The following DNAH12 variants were observed in gnomAD, a reference collection of about 807,000 sequenced individuals.
The protein encoded by DNAH12 is axonemal beta dynein heavy chain 12.
A neutral mutation model predicts 371.5 loss-of-function variants in DNAH12; 285 were observed. That is an observed-to-expected ratio of 0.77 (90% CI 0.70 to 0.85). The LOEUF (loss-of-function observed/expected upper bound fraction) is 0.85. Ranked by LOEUF, DNAH12 falls within the 40% of genes least tolerant of loss-of-function variation. The pLI is 0.00. For missense variants in DNAH12, 3,611 were observed against 3,689.4 expected (o/e 0.98, Z 0.55); for synonymous variants, 1,200 against 1,213.0 (o/e 0.99, Z 0.22).
In DNAH12 at chr3:57,490,034, G is replaced by C. The variant is rs535268261; in HGVS notation, c.1336-347C>G. Among the ~76,000 whole-genome samples, 11 of 152,238 alleles carry C rather than the reference G, an allele frequency of 7.2e-5. No individual in the cohort carries two copies. In the South Asian group the frequency reaches 1.9e-3, roughly 26 times the overall value. ...CTTATATCATGTAACAATTTGCATAGTGGATAAATATTTGCTTTTGCCATT... is the reference window on the plus strand; with the variant it reads ...CTTATATCATGTAACAATTTGCATACTGGATAAATATTTGCTTTTGCCATT... On this transcript the variant is annotated intron_variant, in intron 11 of 73. Transcript: ENST00000495027.
chr3:57,435,449 T>A (rs1308346989), intron 30 of DNAH12, among the ~76,000 whole-genome samples: 1 of 149,064 alleles, frequency 6.7e-6, no homozygotes, highest in Non-Finnish European at 1.5e-5. Context: ...AAAAACAGAC[T>A]AAGATTGTGG....
chr3:57,487,288 A>AAAGGAAAG (rs2066951970), intron 12 of DNAH12, among the ~76,000 whole-genome samples: 1 of 110,508 alleles, frequency 9.0e-6, no homozygotes, highest in Non-Finnish European at 1.8e-5. Flanking sequence ...AAGAAGGAAG[A>AAAGGAAAG]AAGGAAGGAA....
chr3:57,476,644 G>T (rs1164662805), intron 13 of DNAH12, among the ~76,000 whole-genome samples: 1 of 152,166 alleles, frequency 6.6e-6, no homozygotes, highest in Non-Finnish European at 1.5e-5. Flanking sequence ...TAGAGCGTTG[G>T]CAAGGTTCTA....
chr3:57,524,060 T>A (rs1221551148), intron 2 of DNAH12, among the ~76,000 whole-genome samples, 176 bp from the exon 3 acceptor site: 1 of 152,178 alleles, frequency 6.6e-6, no homozygotes, highest in Non-Finnish European at 1.5e-5. Context: ...AATTTTTAAA[T>A]AATGCATATA....
In DNAH12 at chr3:57,504,176, T is replaced by G; in HGVS notation, c.926A>C (p.Glu309Ala). 6 of 1,613,368 alleles carry G rather than the reference T, an allele frequency of 3.7e-6. No individual in the cohort carries two copies. Among genetic ancestry groups the G allele is most frequent in the Non-Finnish European group, 5.1e-6 (6 of 1,179,624 alleles). The change falls in exon 9 of 74, where the codon GAA (glutamate) becomes GCA (alanine). Residue 309 changes from glutamate (E) to alanine (A), a missense_variant. Glu to Ala is a moderately radical substitution (Grantham distance 107). This residue lies in a region of DNAH12 where 1,314 missense variants were observed against 1,398.7 expected (regional missense o/e 0.94). Coordinates refer to ENST00000495027, the MANE Select transcript of DNAH12 (RefSeq NM_001366028.2). Reference protein sequence around the residue: ...QLKDLLRRTVEGFVKLFDPKD... With the variant: ...QLKDLLRRTVAGFVKLFDPKD... ...TGGGTCAAAGAGTTTTACAAATCCTTCTACAGTTCTCCTTAATAGATCCTT... is the reference window on the plus strand; with the variant it reads ...TGGGTCAAAGAGTTTTACAAATCCTGCTACAGTTCTCCTTAATAGATCCTT...
chr3:57,443,007 T>C (rs1438707463), intron 29 of DNAH12, among the ~76,000 whole-genome samples: 2 of 152,248 alleles, frequency 1.3e-5, no homozygotes, highest in Non-Finnish European at 2.9e-5. Flanking sequence ...CATTTCACAA[T>C]AGAAATTCCC....
chr3:57,549,118 T>A (rs2069599191), upstream of DNAH12, among the ~76,000 whole-genome samples: 1 of 151,832 alleles, frequency 6.6e-6, no homozygotes, highest in Non-Finnish European at 1.5e-5. Context: ...AGCTCAGGAG[T>A]TCAAGGCTGC....
intron 2 of DNAH12, among the ~76,000 whole-genome samples, chr3:57,531,640 G>A (rs1297793143): frequency 6.6e-6 from 1 of 151,886 alleles, no homozygotes; most frequent in Non-Finnish European, 1.5e-5. Flanking sequence ...GGCATGTGCT[G>A]TAATCCCAGC....
intron 25 of DNAH12, among the ~76,000 whole-genome samples, chr3:57,448,834 A>G (rs1360489971): frequency 3.9e-5 from 6 of 152,168 alleles, no homozygotes; most frequent in Admixed American, 3.3e-4. Flanking sequence ...GTAGCTAGAT[A>G]CAGAGTGTTG....
intron 60 of DNAH12, 107 bp from the exon 61 acceptor site, chr3:57,335,047 C>G: frequency 8.4e-7 from 1 of 1,185,528 alleles, no homozygotes; most frequent in Non-Finnish European, 1.1e-6. Context: ...TGTACTTACC[C>G]ACCTGCTGTA....
upstream of DNAH12, among the ~76,000 whole-genome samples, chr3:57,548,178 C>A (rs1212038486): frequency 2.0e-5 from 3 of 152,108 alleles, no homozygotes; most frequent in African/African-American, 7.2e-5. Flanking sequence ...ACACATCAGA[C>A]TTTTAGGAAT....
chr3:57,445,542 A>G, intron 27 of DNAH12, 123 bp from the exon 28 acceptor site: 2 of 881,106 alleles, frequency 2.3e-6, no homozygotes, highest in Non-Finnish European at 3.0e-6. Context: ...CTTTTTCTAA[A>G]CTCTAATTTT....
At chr3:57,487,161 C>G (rs532358483) in intron 12 of DNAH12, among the ~76,000 whole-genome samples, 1 of 151,978 alleles carries the variant, frequency 6.6e-6, no homozygotes, top group African/African-American at 2.4e-5. Flanking sequence ...TGTGGCCAGG[C>G]ACAGTGGCCC....
At chr3:57,550,258 A>G in the DNAH12 span, among the ~76,000 whole-genome samples, 1 of 152,142 alleles carries the variant, frequency 6.6e-6, no homozygotes, top group African/African-American at 2.4e-5. Flanking sequence ...GAGATTACAA[A>G]TGAACTATGA....
At chr3:57,361,354 A>AT (rs1348275522) in intron 58 of DNAH12, among the ~76,000 whole-genome samples, 21 of 150,380 alleles carry the variant, frequency 1.4e-4, no homozygotes, top group African/African-American at 4.9e-4. Flanking sequence ...TGTCTCAAAA[A>AT]ATATATATAC....
intron 50 of DNAH12, among the ~76,000 whole-genome samples, chr3:57,381,869 A>AT (rs1361212270): frequency 2.5e-5 from 2 of 79,886 alleles, no homozygotes; most frequent in East Asian, 3.3e-4. Context: ...AGAACCATAT[A>AT]TATATATTTT....
At chr3:57,486,148 C>T in intron 12 of DNAH12, among the ~76,000 whole-genome samples, 1 of 149,956 alleles carries the variant, frequency 6.7e-6, no homozygotes, top group East Asian at 2.0e-4. Context: ...TAGCTTGAAC[C>T]TGGGAGGCAG....
intron 70 of DNAH12, among the ~76,000 whole-genome samples, chr3:57,299,202 G>A (rs528481942): frequency 6.6e-6 from 1 of 152,132 alleles, no homozygotes; most frequent in African/African-American, 2.4e-5. Flanking sequence ...AAACCCACTC[G>A]CCCGTGGCTT....
chr3:57,435,612 CA>C (rs1223181534), intron 30 of DNAH12, among the ~76,000 whole-genome samples: 1 of 151,512 alleles, frequency 6.6e-6, no homozygotes, highest in Non-Finnish European at 1.5e-5. Flanking sequence ...GTTTACTGAC[CA>C]AAAAAACTGT....
Sources: allele counts gnomAD v4.1 joint callset (sites outside exome capture counted in the v4.1 genomes callset), GRCh38; gene constraint gnomAD v4.1.1; regional missense constraint gnomAD v4.1.1; transcripts MANE v1.5; gene names NCBI Gene and HGNC (gene_info 2026-07-23, HGNC 2026-07-21).